Variants in ROBO2 observed in about 807,000 individuals in gnomAD.
ROBO2 encodes roundabout homolog 2.
A neutral mutation model predicts 160.8 loss-of-function variants in ROBO2; 53 were observed. The observed-to-expected ratio is 0.33, with a 90% CI of 0.26 to 0.41. ROBO2 has a LOEUF of 0.41. Ranked by LOEUF, ROBO2 falls within the 10% of genes least tolerant of loss-of-function variation. ROBO2 has a pLI of 1.00. For missense variants in ROBO2, 1,577 were observed against 1,722.4 expected (o/e 0.92, Z 1.49); for synonymous variants, 664 against 611.7 (o/e 1.09, Z -1.26).
chr3:76,497,844 CCCAGCATTCCCAGCATTT>C (rs918298350), intron 2 of ROBO2, among the ~76,000 whole-genome samples: 19 of 151,448 alleles, frequency 1.3e-4, no homozygotes, highest in South Asian at 8.3e-4. Context: ...TCCCAGCATT[CCCAGCATTCCCAGCATTT>C]CCAGCATTCC....
chr3:76,711,700 G>A (rs929438041), intron 2 of ROBO2, among the ~76,000 whole-genome samples: 52 of 152,142 alleles, frequency 3.4e-4, no homozygotes, highest in African/African-American at 1.0e-3. Context: ...ACGGTGCTGG[G>A]CAAGAGTCAG....
intron 2 of ROBO2, among the ~76,000 whole-genome samples, chr3:76,248,654 A>G (rs1383371717): frequency 8.5e-6 from 1 of 117,670 alleles, no homozygotes; most frequent in Non-Finnish European, 1.7e-5. Flanking sequence ...TAAAAGAAAA[A>G]AAACTTAAAA....
intron 2 of ROBO2, among the ~76,000 whole-genome samples, chr3:77,149,791 T>G (rs955390624): frequency 1.7e-4 from 21 of 122,334 alleles, no homozygotes; most frequent in Admixed American, 1.7e-3. Context: ...CTTATTCCTA[T>G]TTTGCTTTTT....
chr3:77,219,936 A>G (rs1298033019), intron 2 of ROBO2, among the ~76,000 whole-genome samples: 4 of 151,624 alleles, frequency 2.6e-5, no homozygotes, highest in African/African-American at 9.7e-5. Flanking sequence ...GACATATCCA[A>G]GCAGAAGCAT....
chr3:77,439,522 C>G (rs1022311336), intron 2 of ROBO2, among the ~76,000 whole-genome samples: 2 of 152,040 alleles, frequency 1.3e-5, no homozygotes, highest in African/African-American at 4.8e-5. Context: ...TTCTCTTATT[C>G]TCTGGCATTT....
intron 2 of ROBO2, among the ~76,000 whole-genome samples, chr3:76,525,008 C>CA (rs2081872236): frequency 6.6e-6 from 1 of 151,504 alleles, no homozygotes. Flanking sequence ...CACTGGAAGA[C>CA]AAAGAAAGAA....
intron 2 of ROBO2, among the ~76,000 whole-genome samples, chr3:76,741,947 A>G (rs560563456): frequency 4.6e-5 from 7 of 152,020 alleles, no homozygotes; most frequent in Admixed American, 2.0e-4. Context: ...AGTTATGTCT[A>G]TAGTTATCTG....
chr3:77,123,435 GAA>G, intron 2 of ROBO2, among the ~76,000 whole-genome samples: 1 of 152,178 alleles, frequency 6.6e-6, no homozygotes, highest in South Asian at 2.1e-4. Context: ...TGAGGAGTTA[GAA>G]AATAATTGAG....
chr3:76,707,624 C>G (rs1002388699), intron 2 of ROBO2, among the ~76,000 whole-genome samples: 1 of 151,446 alleles, frequency 6.6e-6, no homozygotes, highest in Non-Finnish European at 1.5e-5. Context: ...TTACTAACAC[C>G]TAAATACTAA....
intron 2 of ROBO2, among the ~76,000 whole-genome samples, chr3:76,901,568 CAAAAA>C (rs34372046): frequency 3.0e-3 from 228 of 75,866 alleles, no homozygotes; most frequent in African/African-American, 0.011. Flanking sequence ...AATTTCATCT[CAAAAA>C]AAAAAAAAAA....
chr3:76,737,741 G>C (rs1301132342), intron 2 of ROBO2, among the ~76,000 whole-genome samples: 1 of 152,194 alleles, frequency 6.6e-6, no homozygotes, highest in East Asian at 1.9e-4. Flanking sequence ...ATAGTGAAGG[G>C]TTGGCAGTCA....
rs376487683 is a variant in ROBO2 at position 76,596,226 on chromosome 3, A to G, written c.110-501788A>G. On this transcript the variant is annotated intron_variant, in intron 2 of 26. Coordinates refer to the ROBO2 transcript ENST00000487694. ...TCTCTTTTAGAATTGTTGAGTTTTA[A>G]TTTCTTTATGGGGTGTCCCATTATC... Among the ~76,000 whole-genome samples the G allele has an allele frequency of 2.0e-4, 31 of 152,206 alleles. No homozygotes were observed. The South Asian group carries it at 6.0e-3, about 30-fold the overall frequency.
chr3:76,304,464 C>A (rs761559826), intron 2 of ROBO2, among the ~76,000 whole-genome samples: 89 of 152,172 alleles, frequency 5.8e-4, no homozygotes, highest in Non-Finnish European at 4.7e-4. Context: ...GATCTTTGGT[C>A]TTTCAAGAGT....
At chr3:76,135,682 A>C (rs2071402698) in intron 2 of ROBO2, among the ~76,000 whole-genome samples, 1 of 152,102 alleles carries the variant, frequency 6.6e-6, no homozygotes, top group Non-Finnish European at 1.5e-5. Flanking sequence ...TCTAACTTGG[A>C]AAGTTAACAT....
At chr3:77,550,488 C>T (rs2092877919) in intron 7 of ROBO2, among the ~76,000 whole-genome samples, 1 of 151,916 alleles carries the variant, frequency 6.6e-6, no homozygotes, top group Non-Finnish European at 1.5e-5. Context: ...AATTGTTTTG[C>T]CCATTTTCCA....
intron 5 of ROBO2, among the ~76,000 whole-genome samples, chr3:77,520,734 A>G (rs796599643): frequency 3.2e-4 from 48 of 151,422 alleles, no homozygotes; most frequent in African/African-American, 1.1e-3. Context: ...TGCAAAATAC[A>G]GTATTTAAAT....
chr3:76,153,069 T>C (rs2072269740), intron 2 of ROBO2, among the ~76,000 whole-genome samples: 1 of 152,170 alleles, frequency 6.6e-6, no homozygotes, highest in Non-Finnish European at 1.5e-5. Flanking sequence ...TATGAGTAAA[T>C]TAATATAATA....
At chr3:77,488,743 C>T (rs182705670) in intron 4 of ROBO2, among the ~76,000 whole-genome samples, 49 of 152,184 alleles carry the variant, frequency 3.2e-4, no homozygotes, top group African/African-American at 9.6e-4. Context: ...CTGAAAGGGG[C>T]TTGGCTTTGT....
chr3:76,602,144 A>G (rs1045368983), intron 2 of ROBO2, among the ~76,000 whole-genome samples: 24 of 152,164 alleles, frequency 1.6e-4, no homozygotes, highest in African/African-American at 4.8e-4. Flanking sequence ...TCATATCACT[A>G]TCAGGCTTTT....
Sources: allele counts gnomAD v4.1 joint callset (sites outside exome capture counted in the v4.1 genomes callset), GRCh38; gene constraint gnomAD v4.1.1; transcripts MANE v1.5; gene names NCBI Gene and HGNC (gene_info 2026-07-23, HGNC 2026-07-21).